Variants in MMP28 observed in about 807,000 individuals in gnomAD.
MMP28 encodes the protein matrix metallopeptidase 28.
MMP28 carries 55 observed loss-of-function variants against 60.5 expected under a neutral mutation model. That is an observed-to-expected ratio of 0.91 (90% CI 0.73 to 1.14). The LOEUF is 1.14. Ranked by LOEUF, MMP28 falls within the 50% of genes most tolerant of loss-of-function variation. MMP28 has a pLI of 0.00. For missense variants in MMP28, 686 were observed against 738.3 expected (o/e 0.93, Z 0.82); for synonymous variants, 318 against 312.5 (o/e 1.02, Z -0.18).
Position 35,795,306 on chromosome 17 carries a change from G to A in MMP28, c.72C>T (p.Pro24=). ...LLLWGHLDAQ[P]AERGGQELRK... ...GCAGCTCCTGGCCTCCGCGCTCCGC[G>A]GGCTGGGCGTCCAGGTGGCCCCACA... Residue 24 remains proline, a synonymous_variant, in exon 1 of 8, where the codon CCC becomes CCT. Coordinates refer to ENST00000605424, the MANE Select transcript of MMP28 (RefSeq NM_024302.5). 6.8e-7 allele frequency: 1 copy of A among 1,464,930 alleles called. No homozygotes were observed. The highest frequency in any genetic ancestry group is 9.0e-7 in the Non-Finnish European group (1 of 1,108,760). The allele number at this position is 1,464,930 out of a possible 1,614,324, so 90.7% of individuals were successfully genotyped here. A position where few individuals can be genotyped will look rare whatever the true frequency, so the allele number is the denominator to read the frequency against.
At position 35,795,477 on chromosome 17, in the gene MMP28, C is replaced by A; in HGVS notation, c.-100G>T. On this transcript the variant is annotated 5_prime_UTR_variant, in exon 1 of 8. Transcript: ENST00000605424. ...GGACCCCGGGGATGGGACTGCTCTG[C>A]GCCGCCCCCGCACGGAGAGGGACTG... The A allele has an allele frequency of 1.3e-6, 1 of 796,770 alleles. No individual in the cohort carries two copies. 49.4% of individuals were successfully genotyped at this position (796,770 alleles called of 1,614,324 possible). A position where few individuals can be genotyped will look rare whatever the true frequency, so the allele number is the denominator to read the frequency against.
At position 35,765,960 on chromosome 17, in the gene MMP28, C is replaced by T. The variant is rs1404071199; in HGVS notation, c.*540G>A. The T allele has an allele frequency of 1.0e-6, 1 of 985,298 alleles. No homozygotes were observed. The highest frequency in any genetic ancestry group is 1.2e-6 in the Non-Finnish European group (1 of 829,906). The allele number at this position is 985,298 out of a possible 1,614,324, so 61.0% of individuals were successfully genotyped here. ...TAGGCCTGCATCAGTCTCCCTCCCACTCTGTGTCCTGACCCCACAAAGGGC... is the reference window on the plus strand; with the variant it reads ...TAGGCCTGCATCAGTCTCCCTCCCATTCTGTGTCCTGACCCCACAAAGGGC... On this transcript the variant is annotated 3_prime_UTR_variant, in exon 8 of 8. Coordinates refer to ENST00000605424, the MANE Select transcript of MMP28 (RefSeq NM_024302.5).
intron 1 of MMP28, among the ~76,000 whole-genome samples, chr17:35,794,656 T>C (rs910427878): frequency 1.3e-5 from 2 of 151,740 alleles, no homozygotes; most frequent in African/African-American, 2.4e-5. Context: ...AGCAAGAAAA[T>C]GGAAAGGGAG....
intron 4 of MMP28, among the ~76,000 whole-genome samples, chr17:35,771,299 C>G (rs567375642): frequency 6.6e-6 from 1 of 151,378 alleles, no homozygotes; most frequent in Non-Finnish European, 1.5e-5. Context: ...GGCGTGGTGG[C>G]GGGTGTCTGT....
chr17:35,776,922 G>A (rs1057470442), intron 3 of MMP28, among the ~76,000 whole-genome samples: 3 of 151,976 alleles, frequency 2.0e-5, no homozygotes, highest in East Asian at 1.9e-4. Flanking sequence ...AGAGATGCTC[G>A]AAATTGTATA....
chr17:35,793,363 G>A (rs564997487), intron 1 of MMP28, among the ~76,000 whole-genome samples: 1 of 152,254 alleles, frequency 6.6e-6, no homozygotes, highest in African/African-American at 2.4e-5. Context: ...CAGGGAGGTG[G>A]GGTGGGACTC....
intron 7 of MMP28, among the ~76,000 whole-genome samples, chr17:35,767,512 G>C (rs2085982334): frequency 6.6e-6 from 1 of 152,192 alleles, no homozygotes; most frequent in Non-Finnish European, 1.5e-5. Context: ...GCAGTCCTCT[G>C]CTTCCCTCTA....
chr17:35,779,278 C>T lies in MMP28; in HGVS notation c.157G>A (p.Ala53Thr), dbSNP rs1555608621. Residue 53 changes from alanine to threonine, a missense_variant, in exon 2 of 8, where the codon GCT (alanine) becomes ACT (threonine). Transcript: ENST00000605424. ...TCGCTGAATCGAGTGGAGGTGGGAG[C>T]TTTGGGGACCTGTTCATTGAGGTAT... Reference protein sequence around the residue: ...YGYLNEQVPKAPTSTRFSDAI... With the variant: ...YGYLNEQVPKTPTSTRFSDAI... 1 of 1,613,370 alleles carries T rather than the reference C, an allele frequency of 6.2e-7. No individual in the cohort carries two copies. The highest frequency in any genetic ancestry group is 8.5e-7 in the Non-Finnish European group (1 of 1,179,722).
chr17:35,762,279 C>T (rs1598406310), downstream of MMP28, among the ~76,000 whole-genome samples: 1 of 152,126 alleles, frequency 6.6e-6, no homozygotes, highest in Non-Finnish European at 1.5e-5. Flanking sequence ...CATGAGCCAC[C>T]GTGCCCCGCC....
downstream of MMP28, chr17:35,764,899 C>G (rs587642636): frequency 7.6e-6 from 2 of 264,892 alleles, no homozygotes; most frequent in East Asian, 9.1e-5. Context: ...CCAGCGCCAC[C>G]GCACACCTGA....
downstream of MMP28, chr17:35,764,394 C>A: frequency 6.7e-7 from 1 of 1,502,446 alleles, no homozygotes; most frequent in Non-Finnish European, 8.9e-7. Context: ...AGGGGCTGCC[C>A]CAGGCACTGA....
At chr17:35,782,987 C>G (rs1188146704) in intron 1 of MMP28, among the ~76,000 whole-genome samples, 1 of 152,102 alleles carries the variant, frequency 6.6e-6, no homozygotes, top group Non-Finnish European at 1.5e-5. Context: ...CCACGATGCC[C>G]GGCTAATTTT....
intron 5 of MMP28, 70 bp downstream of exon 5, chr17:35,769,997 C>G: frequency 2.0e-6 from 3 of 1,467,156 alleles, no homozygotes; most frequent in Non-Finnish European, 2.7e-6. Flanking sequence ...TTTGCAGAGC[C>G]GGCGTTCAAG....
In MMP28 at chr17:35,766,438, G is replaced by T. The variant is rs575562966; in HGVS notation, c.*62C>A. The T allele has an allele frequency of 4.1e-6, 6 of 1,478,688 alleles. No homozygotes were observed. The African/African-American group carries it at 7.0e-5, about 17-fold the overall frequency. The allele number at this position is 1,478,688 out of a possible 1,614,324, so 91.6% of individuals were successfully genotyped here. A position where few individuals can be genotyped will look rare whatever the true frequency, so the allele number is the denominator to read the frequency against. ...AGGCTTCTAAGAGGGGTTCTGCCCC[G>T]GGGGTGGGGAACATGATTTTGCCCT... On this transcript the variant is annotated 3_prime_UTR_variant, in exon 8 of 8. Transcript: ENST00000605424. This position sits in a 1 kb window ranked among gnomAD's most constrained non-coding sequence, Gnocchi z 4.3.
downstream of MMP28, among the ~76,000 whole-genome samples, chr17:35,763,689 G>C (rs1418817467): frequency 6.6e-6 from 1 of 151,782 alleles, no homozygotes; most frequent in Non-Finnish European, 1.5e-5. Flanking sequence ...CTGAGGTCAG[G>C]AGTTTGAGAC....
chr17:35,770,191 G>A lies in MMP28; in HGVS notation c.726C>T (p.Ile242=), dbSNP rs375751750. The A allele has an allele frequency of 6.3e-5, 101 of 1,604,398 alleles. No homozygotes were observed. Among genetic ancestry groups the A allele is most frequent in the South Asian group, 7.7e-5 (7 of 90,538 alleles). ...AGTGGGTGAGGCCAAGCGTGTGACC[G>A]ATCTCGTGCGCCAGCACCACGAACA... is the stretch of plus-strand genomic sequence containing the variant. ...RNLFVVLAHE[I]GHTLGLTHSP... Residue 242 remains isoleucine (I), a synonymous_variant, in exon 5 of 8, where the codon ATC becomes ATT. Transcript: ENST00000605424.
At chr17:35,778,752 C>A in intron 3 of MMP28, 136 bp downstream of exon 3, 1 of 1,541,792 alleles carries the variant, frequency 6.5e-7, no homozygotes, top group East Asian at 2.3e-5. Flanking sequence ...CCAAGAGGTC[C>A]TATTCACCCA....
At chr17:35,767,655 G>T (rs1598418453) in intron 7 of MMP28, 97 bp downstream of exon 7, 3 of 1,398,950 alleles carry the variant, frequency 2.1e-6, no homozygotes, top group Non-Finnish European at 2.9e-6. Flanking sequence ...CCATGGACTC[G>T]TGTGAGAGTC....
At chr17:35,769,543 G>T (rs1295695891) in intron 5 of MMP28, among the ~76,000 whole-genome samples, 1 of 152,172 alleles carries the variant, frequency 6.6e-6, no homozygotes, top group Non-Finnish European at 1.5e-5. Flanking sequence ...CAGTAGCACT[G>T]GCCCACCCTG....
Sources: gnomAD v4.1 joint callset for allele counts (sites outside exome capture counted in the v4.1 genomes callset) on GRCh38, gnomAD v4.1.1 for gene constraint, Gnocchi (gnomAD v3.1) non-coding constraint, MANE v1.5 for transcripts, NCBI Gene and HGNC (gene_info 2026-07-23, HGNC 2026-07-21) for gene names.